Variants in ATP13A4 observed in about 807,000 individuals in gnomAD.
The protein encoded by ATP13A4 is ATPase 13A4.
ATP13A4 carries 114 observed loss-of-function variants against 142.5 expected under a neutral mutation model. The ratio of observed to expected loss-of-function variants is 0.80; its 90% CI spans 0.69 to 0.93. The LOEUF is 0.93. Among genes scored for constraint, ATP13A4 ranks in the 40% least tolerant of loss-of-function variants. ATP13A4 has a pLI of 0.00. For missense variants in ATP13A4, 1,392 were observed against 1,454.0 expected (o/e 0.96, Z 0.69); for synonymous variants, 488 against 514.8 (o/e 0.95, Z 0.70).
intron 1 of ATP13A4, among the ~76,000 whole-genome samples, chr3:193,551,046 G>A (rs1167489704): frequency 1.3e-5 from 2 of 152,166 alleles, no homozygotes; most frequent in African/African-American, 4.8e-5. Context: ...TTTTCCCAAC[G>A]TATGCACAAG....
At position 193,582,682 on chromosome 3, in the gene ATP13A4, T is replaced by A. The variant is rs55907161; in HGVS notation, n.92-776A>T. On this transcript the variant is annotated intron_variant and non_coding_transcript_variant, in intron 1 of 3. Transcript: ENST00000489140. ...ATTATATATGTATATTACATATATA[T>A]TATATATGTGTATAACATATATAAT... 5.7e-4 allele frequency among the ~76,000 whole-genome samples: 27 copies of A among 47,136 alleles called. 3 individuals carry two copies. Among genetic ancestry groups the A allele is most frequent in the South Asian group, 1.5e-3 (3 of 1,950 alleles). The allele number at this position is 47,136 out of a possible 152,430, so 30.9% of individuals were successfully genotyped here. A position where few individuals can be genotyped will look rare whatever the true frequency, so the allele number is the denominator to read the frequency against.
chr3:193,591,633 A>T (rs1250521767), intron 1 of ATP13A4, among the ~76,000 whole-genome samples: 4 of 152,240 alleles, frequency 2.6e-5, no homozygotes, highest in African/African-American at 7.2e-5. Flanking sequence ...ATCATCATGC[A>T]TACATCTTTG....
intron 1 of ATP13A4, among the ~76,000 whole-genome samples, chr3:193,553,924 C>T (rs915970491): frequency 1.1e-4 from 16 of 152,222 alleles, no homozygotes; most frequent in African/African-American, 2.2e-4. Context: ...GGAATGAGAG[C>T]GTCACATTTT....
At chr3:193,474,344 A>AAC (rs71637108) in intron 8 of ATP13A4, among the ~76,000 whole-genome samples, 15,281 of 94,982 alleles carry the variant, frequency 0.16, 428 homozygotes, top group Non-Finnish European at 0.17. Context: ...AAAAAAAAAA[A>AAC]AAACAAACAA....
chr3:193,525,723 C>G (rs945202296), intron 1 of ATP13A4, among the ~76,000 whole-genome samples: 1 of 152,174 alleles, frequency 6.6e-6, no homozygotes, highest in Non-Finnish European at 1.5e-5. Context: ...CACCCCACAC[C>G]AATGCACACA....
chr3:193,471,757 G>T (rs1009508076), intron 8 of ATP13A4, among the ~76,000 whole-genome samples: 8 of 152,144 alleles, frequency 5.3e-5, no homozygotes, highest in Non-Finnish European at 1.2e-4. Flanking sequence ...CATGATAAGA[G>T]AAATGAAAGT....
At chr3:193,554,683 TGTG>T in intron 1 of ATP13A4, 54 bp downstream of exon 1, 1 of 1,380,322 alleles carries the variant, frequency 7.2e-7, no homozygotes, top group Non-Finnish European at 1.0e-6. Context: ...TGTGTGTGTG[TGTG>T]TCTCGCAGGC....
chr3:193,566,083 G>A (rs1322045652), intron 2 of ATP13A4, among the ~76,000 whole-genome samples: 2 of 152,066 alleles, frequency 1.3e-5, no homozygotes, highest in East Asian at 1.9e-4. Flanking sequence ...CTCAACTCAC[G>A]AACCTGTGCG....
intron 18 of ATP13A4, among the ~76,000 whole-genome samples, chr3:193,444,918 C>G (rs535555993): frequency 6.6e-6 from 1 of 152,324 alleles, no homozygotes; most frequent in African/African-American, 2.4e-5. Flanking sequence ...TGCTCCACAG[C>G]AGGCCCCTGA....
intron 25 of ATP13A4, among the ~76,000 whole-genome samples, chr3:193,431,904 T>C (rs1270799510): frequency 6.6e-6 from 1 of 151,898 alleles, no homozygotes; most frequent in East Asian, 1.9e-4. Context: ...AAATTCAAAT[T>C]CATGCCCCTG....
intron 2 of ATP13A4, among the ~76,000 whole-genome samples, chr3:193,571,808 T>G (rs1485538372): frequency 6.6e-6 from 1 of 152,110 alleles, no homozygotes; most frequent in Admixed American, 6.6e-5. Context: ...TAATGTGGTA[T>G]CTTGAATGGA....
At chr3:193,409,508 C>A (rs1281780289) in intron 28 of ATP13A4, among the ~76,000 whole-genome samples, 2 of 152,180 alleles carry the variant, frequency 1.3e-5, no homozygotes, top group African/African-American at 4.8e-5. Flanking sequence ...TAAGAATCTT[C>A]TTCTATTAAA....
chr3:193,420,439 A>AG (rs1715349479), intron 25 of ATP13A4, among the ~76,000 whole-genome samples: 2 of 150,234 alleles, frequency 1.3e-5, no homozygotes, highest in South Asian at 4.2e-4. Context: ...ACATTGATGC[A>AG]GAAACAAAAA....
rs1356327278 is a variant in ATP13A4, at chr3:193,407,307, A to G, written c.3378+6T>C. The G allele has an allele frequency of 2.5e-6, 4 of 1,607,532 alleles. No homozygotes were observed. Among genetic ancestry groups the G allele is most frequent in the Admixed American group, 1.7e-5 (1 of 59,966 alleles). On this transcript the variant is annotated splice_donor_region_variant and intron_variant, in intron 29 of 29. Coordinates refer to ENST00000342695, the MANE Select transcript of ATP13A4 (RefSeq NM_032279.4). ...AAGATCAGCAGCCCAAGATCAGCAC[A>G]CTTACCTCGGCCACAAGGGACACAA...
At chr3:193,406,705 G>A (rs1008528799) in intron 29 of ATP13A4, among the ~76,000 whole-genome samples, 14 of 152,154 alleles carry the variant, frequency 9.2e-5, no homozygotes, top group African/African-American at 2.7e-4. Context: ...TTTCCCATCC[G>A]CAAGGCAAAA....
chr3:193,460,993 TTC>T (rs1357258543), intron 13 of ATP13A4, among the ~76,000 whole-genome samples: 13 of 152,206 alleles, frequency 8.5e-5, no homozygotes, highest in African/African-American at 1.9e-4. Context: ...CTAGAATTAA[TTC>T]TGTTTTGTTT....
intron 5 of ATP13A4, 28 bp downstream of exon 5, chr3:193,492,889 C>CTAGTA: frequency 2.0e-6 from 3 of 1,524,410 alleles, no homozygotes; most frequent in Non-Finnish European, 2.7e-6. Context: ...TCCTTTTGAG[C>CTAGTA]TAGTATAGGC....
chr3:193,544,073 A>C (rs1271118171), intron 1 of ATP13A4, among the ~76,000 whole-genome samples: 1 of 152,148 alleles, frequency 6.6e-6, no homozygotes, highest in African/African-American at 2.4e-5. Context: ...GGTCTGAAGG[A>C]GGTGACTAAT....
intron 1 of ATP13A4, among the ~76,000 whole-genome samples, chr3:193,539,093 G>A (rs377448202): frequency 7.6e-4 from 116 of 151,996 alleles, no homozygotes; most frequent in African/African-American, 1.1e-3. Flanking sequence ...GGCTAGTCTC[G>A]AACTCCCAAC....
Sources: gnomAD v4.1 joint callset for allele counts (sites outside exome capture counted in the v4.1 genomes callset) on GRCh38, gnomAD v4.1.1 for gene constraint, MANE v1.5 for transcripts, NCBI Gene and HGNC (gene_info 2026-07-23, HGNC 2026-07-21) for gene names.